ZNF500: variants seen among roughly 807,000 people sequenced by gnomAD.
The protein encoded by ZNF500 is zinc finger protein 500.
In ZNF500, 31 loss-of-function variants were observed where a neutral mutation model predicts 30.1. The ratio of observed to expected loss-of-function variants is 1.03; its 90% CI spans 0.77 to 1.39. The LOEUF (loss-of-function observed/expected upper bound fraction) is 1.39. Ranked by LOEUF, ZNF500 falls within the 40% of genes most tolerant of loss-of-function variation. The pLI is 0.00. For synonymous variants in ZNF500, 392 were observed against 282.0 expected (o/e 1.39, Z -3.91); for missense variants, 817 against 657.8 (o/e 1.24, Z -2.65).
At position 4,760,402 on chromosome 16, in the gene ZNF500, C is replaced by G. The variant is rs370437818; in HGVS notation, c.760+90G>C. ...TCCACGGAGGATCGCCCCAGGCCAA[C>G]TGGACCAACAGAACCAAGCCCCGGA... On this transcript the variant is annotated intron_variant, in intron 5 of 5. Transcript: ENST00000219478. 1.2e-5 allele frequency: 16 copies of G among 1,284,904 alleles called. No homozygotes were observed. The African/African-American group carries it at 1.8e-4, about 14-fold the overall frequency. 79.6% of individuals were successfully genotyped at this position (1,284,904 alleles called of 1,614,324 possible). A position where few individuals can be genotyped will look rare whatever the true frequency, so the allele number is the denominator to read the frequency against.
At chr16:4,746,723 TATGCA>T, downstream of ZNF500, 1 of 789,852 alleles carries the variant, frequency 1.3e-6, no homozygotes, top group South Asian at 1.9e-5. Flanking sequence ...GGCTGGGCTC[TATGCA>T]ATAGAGCCCA....
In ZNF500 at chr16:4,766,045, C is replaced by T; in HGVS notation, c.-67G>A. ...AACCTGTCTCTCTCTATACCTCTGGCCAGACACAGGAAGAGAGTTTTTTTC... is the reference window on the plus strand; with the variant it reads ...AACCTGTCTCTCTCTATACCTCTGGTCAGACACAGGAAGAGAGTTTTTTTC... On this transcript the variant is annotated 5_prime_UTR_variant, in exon 2 of 6. Coordinates refer to ENST00000219478, the MANE Select transcript of ZNF500 (RefSeq NM_021646.4). The T allele has an allele frequency of 6.7e-7, 1 of 1,487,820 alleles. No homozygotes were observed. Among genetic ancestry groups the T allele is most frequent in the South Asian group, 1.4e-5 (1 of 73,226 alleles). 92.2% of individuals were successfully genotyped at this position (1,487,820 alleles called of 1,614,324 possible). A position where few individuals can be genotyped will look rare whatever the true frequency, so the allele number is the denominator to read the frequency against.
chr16:4,762,484 G>A, intron 3 of ZNF500, 89 bp downstream of exon 3: 1 of 1,519,170 alleles, frequency 6.6e-7, no homozygotes, highest in Non-Finnish European at 8.8e-7. Flanking sequence ...ATCCAGGCAG[G>A]CCTCTGCCCT....
chr16:4,747,726 C>G (rs1309200435), downstream of ZNF500: 6 of 1,400,728 alleles, frequency 4.3e-6, no homozygotes, highest in African/African-American at 8.7e-5. Flanking sequence ...TTTCCACTAG[C>G]AGGGGCATTC....
chr16:4,764,547 C>T (rs1188644872), intron 2 of ZNF500, among the ~76,000 whole-genome samples: 4 of 151,590 alleles, frequency 2.6e-5, no homozygotes, highest in South Asian at 4.2e-4. Context: ...TTTGGGAGGC[C>T]AAGGCAGGTG....
intron 5 of ZNF500, among the ~76,000 whole-genome samples, chr16:4,756,798 G>A (rs1363260698): frequency 6.6e-6 from 1 of 152,190 alleles, no homozygotes; most frequent in African/African-American, 2.4e-5. Flanking sequence ...TTACAGACGT[G>A]AGACACCGTG....
chr16:4,765,410 C>T (rs2082252976), intron 2 of ZNF500, among the ~76,000 whole-genome samples, 155 bp downstream of exon 2: 1 of 152,222 alleles, frequency 6.6e-6, no homozygotes, highest in Non-Finnish European at 1.5e-5. Flanking sequence ...CACCCATTAG[C>T]CAAGGCTGAG....
intron 2 of ZNF500, chr16:4,764,143 G>A (rs1046996217): frequency 1.0e-6 from 1 of 968,020 alleles, no homozygotes; most frequent in Non-Finnish European, 1.2e-6. Flanking sequence ...GAAGGGTCCT[G>A]TCTGTGCCAT....
downstream of ZNF500, chr16:4,747,369 T>C: frequency 6.3e-7 from 1 of 1,593,078 alleles, no homozygotes; most frequent in Non-Finnish European, 8.6e-7. Flanking sequence ...AGCCAGCTTC[T>C]CCAGCAGCTC....
chr16:4,753,492 G>A (rs2082106343), intron 5 of ZNF500, among the ~76,000 whole-genome samples: 1 of 152,152 alleles, frequency 6.6e-6, no homozygotes, highest in Non-Finnish European at 1.5e-5. Flanking sequence ...AACAAACAAA[G>A]AGGAACGCAC....
At chr16:4,764,140 CCTGT>C (rs1375410874) in intron 2 of ZNF500, 2 of 969,710 alleles carry the variant, frequency 2.1e-6, no homozygotes, top group African/African-American at 3.5e-5. Context: ...TCAGAAGGGT[CCTGT>C]CTGTGCCATC....
At chr16:4,760,440 C>G in intron 5 of ZNF500, 52 bp downstream of exon 5, 1 of 1,558,822 alleles carries the variant, frequency 6.4e-7, no homozygotes, top group South Asian at 1.2e-5. Context: ...TGGTGCCTGA[C>G]AGTTCCTATT....
chr16:4,755,296 G>C (rs777908876), intron 5 of ZNF500, among the ~76,000 whole-genome samples: 5 of 151,862 alleles, frequency 3.3e-5, no homozygotes, highest in African/African-American at 2.4e-5. Flanking sequence ...ACCCAGCCTT[G>C]TTGTAAAAAT....
At position 4,751,764 on chromosome 16, in the gene ZNF500, T is replaced by C. The variant is rs1468098990; in HGVS notation, c.*612A>G. On this transcript the variant is annotated 3_prime_UTR_variant, in exon 6 of 6. Coordinates refer to ENST00000219478, the MANE Select transcript of ZNF500 (RefSeq NM_021646.4). ...GTGGTGGCCCTACCAAAAAAGAGAC[T>C]GGGCATGGCGGCACACACCTGTAAC... The C allele has an allele frequency of 4.1e-5, 38 of 925,968 alleles. No individual in the cohort carries two copies. The East Asian group carries it at 7.6e-4, about 19-fold the overall frequency. 57.4% of individuals were successfully genotyped at this position (925,968 alleles called of 1,614,324 possible). A position where few individuals can be genotyped will look rare whatever the true frequency, so the allele number is the denominator to read the frequency against.
chr16:4,755,905 C>T (rs73511089), intron 5 of ZNF500, among the ~76,000 whole-genome samples: 2,055 of 152,288 alleles, frequency 0.013, 48 homozygotes, highest in African/African-American at 0.047. Flanking sequence ...TGCTATACCA[C>T]GGATGACCCA....
In ZNF500 at chr16:4,761,889, ACC is replaced by A. The variant is rs541683539; in HGVS notation, c.663+380_663+381del. ...CAAACAAACAAACAAACAAACAAAA[ACC>A]CCAAAAAAACCAGCAAGCAAACAAA... is the stretch of plus-strand genomic sequence containing the variant. On this transcript the variant is annotated intron_variant, in intron 4 of 5. Transcript: ENST00000219478. Among the ~76,000 whole-genome samples, 859 of 150,920 alleles carry A rather than the reference ACC, an allele frequency of 5.7e-3. 7 individuals are homozygous for A. Among genetic ancestry groups the A allele is most frequent in the African/African-American group, 0.02 (817 of 40,804 alleles).
intron 5 of ZNF500, among the ~76,000 whole-genome samples, chr16:4,754,174 C>G (rs2082112911): frequency 6.6e-6 from 1 of 152,188 alleles, no homozygotes; most frequent in Admixed American, 6.5e-5. Flanking sequence ...GCATGGTAGG[C>G]ACACGCCATG....
rs887153681 is a variant in ZNF500, at chr16:4,750,263, C to G, written c.*2113G>C. 3.9e-5 allele frequency: 6 copies of G among 152,392 alleles called. No homozygotes were observed. The highest frequency in any genetic ancestry group is 5.9e-5 in the Non-Finnish European group (4 of 68,160). 9.4% of individuals were successfully genotyped at this position (152,392 alleles called of 1,614,324 possible). A position where few individuals can be genotyped will look rare whatever the true frequency, so the allele number is the denominator to read the frequency against. On this transcript the variant is annotated 3_prime_UTR_variant, in exon 6 of 6. Coordinates refer to ENST00000219478, the MANE Select transcript of ZNF500 (RefSeq NM_021646.4). The stretch of plus-strand genomic sequence containing the variant: ...TAGAAGGTAAAAGCCGTCCCTCAAC[C>G]AGGCAGCCCCATTCTGCAGACACAG...
rs1051337883 is a variant in ZNF500, at chr16:4,765,295, C to CA, written c.414+269dup. Among the ~76,000 whole-genome samples, 82 of 142,888 alleles carry CA rather than the reference C, an allele frequency of 5.7e-4. 1 individual carries two copies. Among genetic ancestry groups the CA allele is most frequent in the South Asian group, 1.1e-3 (5 of 4,530 alleles). 93.7% of individuals were successfully genotyped at this position (142,888 alleles called of 152,430 possible). A position where few individuals can be genotyped will look rare whatever the true frequency, so the allele number is the denominator to read the frequency against. ...TGGGCAACAGAGCGAGACTATGTCTCAAAAAAAAAAACATGTTTGGCCTAC... is the reference window on the plus strand; with the variant it reads ...TGGGCAACAGAGCGAGACTATGTCTCAAAAAAAAAAAACATGTTTGGCCTAC... On this transcript the variant is annotated intron_variant, in intron 2 of 5. Transcript: ENST00000219478.
Sources: gnomAD v4.1 joint callset for allele counts (sites outside exome capture counted in the v4.1 genomes callset) on GRCh38, gnomAD v4.1.1 for gene constraint, MANE v1.5 for transcripts, NCBI Gene and HGNC (gene_info 2026-07-23, HGNC 2026-07-21) for gene names.